The following TMEM178B variants were observed in gnomAD, a reference collection of about 807,000 sequenced individuals.
TMEM178B encodes the protein transmembrane protein 178B.
A neutral mutation model predicts 31.0 loss-of-function variants in TMEM178B; 5 were observed. The ratio of observed to expected loss-of-function variants is 0.16; its 90% CI spans 0.08 to 0.34. The LOEUF (loss-of-function observed/expected upper bound fraction) is 0.34. Among genes scored for constraint, TMEM178B ranks in the 10% least tolerant of loss-of-function variants. The pLI is 1.00. For synonymous variants in TMEM178B, 164 were observed against 164.0 expected (o/e 1.00, Z 0.00); for missense variants, 275 against 400.3 (o/e 0.69, Z 2.67).
chr7:141,076,402 A>C (rs1794600687), intron 1 of TMEM178B, among the ~76,000 whole-genome samples: 1 of 152,246 alleles, frequency 6.6e-6, no homozygotes, highest in African/African-American at 2.4e-5. Context: ...AAACACTGGG[A>C]GAATTTGTTG....
At chr7:141,494,743 C>G in the TMEM178B span, among the ~76,000 whole-genome samples, 2 of 151,956 alleles carry the variant, frequency 1.3e-5, no homozygotes, top group Non-Finnish European at 2.9e-5. Context: ...GTCTCTAAGA[C>G]AAACAAACAA....
chr7:141,336,870 TCAC>T (rs1313179540), intron 2 of TMEM178B, among the ~76,000 whole-genome samples: 3 of 108,130 alleles, frequency 2.8e-5, no homozygotes, highest in Admixed American at 9.3e-5. Flanking sequence ...ACCATCATCA[TCAC>T]CACCACCACC....
At chr7:141,393,959 C>T (rs181306694) in intron 2 of TMEM178B, among the ~76,000 whole-genome samples, 16 of 152,052 alleles carry the variant, frequency 1.1e-4, no homozygotes, top group African/African-American at 3.6e-4. Flanking sequence ...TTGATGTTTA[C>T]CCTCCATTAT....
At chr7:141,491,710 G>A in the TMEM178B span, among the ~76,000 whole-genome samples, 7 of 152,250 alleles carry the variant, frequency 4.6e-5, no homozygotes, top group East Asian at 1.9e-4. Flanking sequence ...GGAAGCGGGG[G>A]TCATGTCAGA....
intron 2 of TMEM178B, among the ~76,000 whole-genome samples, chr7:141,382,967 C>T (rs1406121345): frequency 6.6e-6 from 1 of 152,170 alleles, no homozygotes; most frequent in Admixed American, 6.5e-5. Context: ...ATCACTGCCC[C>T]ATTCTCCCAC....
chr7:141,245,198 A>G (rs1797707228), intron 2 of TMEM178B, among the ~76,000 whole-genome samples: 1 of 138,224 alleles, frequency 7.2e-6, no homozygotes, highest in African/African-American at 2.9e-5. Flanking sequence ...AAAAAAAAAA[A>G]AAAAAAAAAA....
chr7:141,179,572 G>T (rs1208156890), intron 1 of TMEM178B, among the ~76,000 whole-genome samples: 6 of 152,152 alleles, frequency 3.9e-5, no homozygotes, highest in Non-Finnish European at 7.3e-5. Flanking sequence ...TAGGTCTAGA[G>T]AAATAGTTGT....
intron 2 of TMEM178B, among the ~76,000 whole-genome samples, chr7:141,390,427 T>C (rs1800513465): frequency 6.6e-6 from 1 of 152,238 alleles, no homozygotes; most frequent in Non-Finnish European, 1.5e-5. Flanking sequence ...AACATTTTAC[T>C]GTGGTTTCAG....
At chr7:141,277,325 T>A (rs932291898) in intron 2 of TMEM178B, among the ~76,000 whole-genome samples, 1 of 152,324 alleles carries the variant, frequency 6.6e-6, no homozygotes, top group Middle Eastern at 3.4e-3. Context: ...TTTTACTTTT[T>A]AAACTTCTTT....
At chr7:141,203,150 T>A (rs1796905973) in intron 1 of TMEM178B, among the ~76,000 whole-genome samples, 1 of 152,256 alleles carries the variant, frequency 6.6e-6, no homozygotes, top group Non-Finnish European at 1.5e-5. Context: ...ATTTTCACTT[T>A]TTTCTTTTTT....
At chr7:141,307,057 T>A (rs538552557) in intron 2 of TMEM178B, among the ~76,000 whole-genome samples, 2 of 152,334 alleles carry the variant, frequency 1.3e-5, no homozygotes, top group East Asian at 3.9e-4. Flanking sequence ...CTATTTTGTT[T>A]TTCTGACTCA....
intron 2 of TMEM178B, among the ~76,000 whole-genome samples, chr7:141,300,281 C>T (rs980634429): frequency 1.6e-4 from 25 of 152,286 alleles, no homozygotes; most frequent in African/African-American, 6.0e-4. Flanking sequence ...GGCATTGAAT[C>T]CAGTGGGATG....
chr7:141,113,062 A>G (rs1025893420), intron 1 of TMEM178B, among the ~76,000 whole-genome samples: 2 of 152,220 alleles, frequency 1.3e-5, no homozygotes, highest in Non-Finnish European at 1.5e-5. Flanking sequence ...CAAGCTGTCT[A>G]ACAATTCAGA....
At chr7:141,079,409 A>T (rs902720471) in intron 1 of TMEM178B, among the ~76,000 whole-genome samples, 4 of 152,232 alleles carry the variant, frequency 2.6e-5, no homozygotes, top group Non-Finnish European at 5.9e-5. Flanking sequence ...CATTCCCACC[A>T]TCGGAGAAAA....
chr7:141,306,605 A>G (rs1321641497), intron 2 of TMEM178B, among the ~76,000 whole-genome samples: 1 of 149,830 alleles, frequency 6.7e-6, no homozygotes. Flanking sequence ...TGGAGTTTCC[A>G]TGGTTCTGAG....
intron 2 of TMEM178B, among the ~76,000 whole-genome samples, chr7:141,369,032 G>C (rs895982417): frequency 6.7e-6 from 1 of 149,024 alleles, no homozygotes; most frequent in Non-Finnish European, 1.5e-5. Context: ...TGGGGCTCTT[G>C]CTCACCCCCC....
At chr7:141,371,906 T>C (rs1800123988) in intron 2 of TMEM178B, among the ~76,000 whole-genome samples, 1 of 152,222 alleles carries the variant, frequency 6.6e-6, no homozygotes, top group Non-Finnish European at 1.5e-5. Flanking sequence ...GCTCCACTTC[T>C]CATCTTCTTT....
chr7:141,269,854 C>T (rs1010254750), intron 2 of TMEM178B, among the ~76,000 whole-genome samples: 9 of 152,146 alleles, frequency 5.9e-5, no homozygotes, highest in Non-Finnish European at 1.2e-4. Context: ...CACTCGAGGC[C>T]AGGGGTTCAA....
the TMEM178B span, among the ~76,000 whole-genome samples, chr7:141,486,949 CAGA>C: frequency 1.3e-5 from 2 of 151,998 alleles, no homozygotes; most frequent in Non-Finnish European, 2.9e-5. Context: ...TGATAACAAC[CAGA>C]AGGAGATGAG....
Sources: allele counts gnomAD v4.1 joint callset (sites outside exome capture counted in the v4.1 genomes callset), GRCh38; gene constraint gnomAD v4.1.1; transcripts MANE v1.5; gene names NCBI Gene and HGNC (gene_info 2026-07-23, HGNC 2026-07-21).